The following ALK variants were observed in gnomAD, a reference collection of about 807,000 sequenced individuals.
The protein encoded by ALK is ALK receptor tyrosine kinase, also known as ALK tyrosine kinase receptor.
ALK carries 74 observed loss-of-function variants against 163.1 expected under a neutral mutation model. That is an observed-to-expected ratio of 0.45 (90% CI 0.38 to 0.55). The LOEUF is 0.55. ALK is among the 20% of genes least tolerant of loss of function. The probability of loss-of-function intolerance (pLI) is 0.00; values close to 1 mark genes in which losing one functional copy is unlikely to be tolerated. For synonymous variants in ALK, 960 were observed against 843.2 expected (o/e 1.14, Z -2.40); for missense variants, 2,063 against 2,105.3 (o/e 0.98, Z 0.39).
At chr2:29,476,390 T>C in intron 4 of ALK, among the ~76,000 whole-genome samples, 1 of 152,070 alleles carries the variant, frequency 6.6e-6, no homozygotes, top group Non-Finnish European at 1.5e-5. Flanking sequence ...TCTTTTCCAC[T>C]TGTAAAGATA....
In ALK at chr2:29,511,915, G is replaced by A. The variant is rs114523690; in HGVS notation, c.1154+20000C>T. 6.6e-3 allele frequency among the ~76,000 whole-genome samples: 1,003 copies of A among 152,088 alleles called. 7 individuals are homozygous for A. The highest frequency in any genetic ancestry group is 0.02 in the Middle Eastern group (6 of 294). On this transcript the variant is annotated intron_variant, in intron 4 of 28. Coordinates refer to ENST00000389048, the MANE Select transcript of ALK (RefSeq NM_004304.5). ...ATTTGTATATCTTCTTTAGTGTAAC[G>A]TCTATTAAAATATTTTGCCCACTTA... is the stretch of plus-strand genomic sequence containing the variant.
intron 1 of ALK, among the ~76,000 whole-genome samples, chr2:29,809,183 C>G (rs1259766583): frequency 2.0e-5 from 3 of 152,228 alleles, no homozygotes; most frequent in Admixed American, 1.3e-4. Context: ...TCTGGAAACA[C>G]AAGCTTACCA....
intron 4 of ALK, among the ~76,000 whole-genome samples, chr2:29,494,866 G>GTGTGTGTGTC (rs1164248123): frequency 6.6e-6 from 1 of 151,572 alleles, no homozygotes; most frequent in African/African-American, 2.4e-5. Context: ...GTGTGTGTGT[G>GTGTGTGTGTC]TGTGTGTGTG....
chr2:29,266,772 T>A (rs1044608870), intron 11 of ALK, among the ~76,000 whole-genome samples: 2 of 152,208 alleles, frequency 1.3e-5, no homozygotes, highest in Non-Finnish European at 2.9e-5. Context: ...GCTTCGTGAC[T>A]ATTTAAGCAT....
At chr2:29,705,573 G>A (rs556412065) in intron 2 of ALK, among the ~76,000 whole-genome samples, 116 of 151,976 alleles carry the variant, frequency 7.6e-4, no homozygotes, top group African/African-American at 2.7e-3. Context: ...GAGTGTCTGG[G>A]GAGGCATTGC....
chr2:29,784,561 T>G (rs1663950164), intron 1 of ALK, among the ~76,000 whole-genome samples: 1 of 152,086 alleles, frequency 6.6e-6, no homozygotes. Context: ...CCAGGTGTGG[T>G]GGCAGGCACC....
Position 29,811,597 on chromosome 2 carries a change from C to T in ALK, c.668-93900G>A, listed in dbSNP as rs374383104. On this transcript the variant is annotated intron_variant, in intron 1 of 28. Transcript: ENST00000389048. ...TCATTGCTTCACACAGGAAATATTC[C>T]CGTGCTCCTAACACAAACTGATTTC... Among the ~76,000 whole-genome samples, 107 of 152,230 alleles carry T rather than the reference C, an allele frequency of 7.0e-4. 1 individual carries two copies. The highest frequency in any genetic ancestry group is 5.6e-3 in the South Asian group (27 of 4,824).
chr2:29,884,919 G>A (rs955222532), intron 1 of ALK, among the ~76,000 whole-genome samples: 3 of 152,120 alleles, frequency 2.0e-5, no homozygotes, highest in African/African-American at 4.8e-5. Context: ...TATGAGTAAC[G>A]AACAGAAGTG....
In ALK at chr2:29,225,574, C is replaced by G. The variant is rs1409418856; in HGVS notation, c.3068-9G>C. ...CTCCGGGGTGGGTGACACTGGAAGA[C>G]AGGTCCCACTGGGGTATTGACAACC... On this transcript the variant is annotated splice_polypyrimidine_tract_variant and intron_variant, in intron 18 of 28. Transcript: ENST00000389048. 2 of 1,605,832 alleles carry G rather than the reference C, an allele frequency of 1.2e-6. No homozygotes were observed. Among genetic ancestry groups the G allele is most frequent in the Non-Finnish European group, 1.7e-6 (2 of 1,176,876 alleles).
At chr2:29,299,835 C>T (rs189124551) in intron 8 of ALK, among the ~76,000 whole-genome samples, 1 of 152,352 alleles carries the variant, frequency 6.6e-6, no homozygotes, top group African/African-American at 2.4e-5. Flanking sequence ...CCATTTCACT[C>T]TCCTGCTAAG....
chr2:29,253,429 A>G (rs1464049999), intron 11 of ALK, among the ~76,000 whole-genome samples: 1 of 152,148 alleles, frequency 6.6e-6, no homozygotes, highest in African/African-American at 2.4e-5. Flanking sequence ...CTGGATTGAC[A>G]TATTAAAAGA....
chr2:29,592,023 G>C (rs140286167), intron 3 of ALK, among the ~76,000 whole-genome samples: 2 of 152,078 alleles, frequency 1.3e-5, no homozygotes, highest in Admixed American at 6.5e-5. Context: ...CACATTGAAG[G>C]CTGGGGGTAT....
intron 5 of ALK, among the ~76,000 whole-genome samples, chr2:29,381,453 A>G (rs1668893918): frequency 6.6e-6 from 1 of 152,224 alleles, no homozygotes; most frequent in Non-Finnish European, 1.5e-5. Flanking sequence ...ATTGTCTCCA[A>G]TGCGGGGAGA....
At chr2:29,912,203 A>G (rs987108408) in intron 1 of ALK, among the ~76,000 whole-genome samples, 1 of 152,208 alleles carries the variant, frequency 6.6e-6, no homozygotes, top group Non-Finnish European at 1.5e-5. Context: ...ATAATAATTG[A>G]AAAATCCCAT....
At chr2:29,902,260 G>A (rs1667434683) in intron 1 of ALK, among the ~76,000 whole-genome samples, 1 of 152,064 alleles carries the variant, frequency 6.6e-6, no homozygotes, top group Non-Finnish European at 1.5e-5. Flanking sequence ...TCTATCAAAT[G>A]ACCCATTATT....
chr2:29,705,255 A>C (rs1678867234), intron 2 of ALK, among the ~76,000 whole-genome samples: 2 of 48,664 alleles, frequency 4.1e-5, no homozygotes, highest in Admixed American at 2.0e-4. Context: ...ATATATATAT[A>C]TATATATATA....
At chr2:29,279,230 A>T (rs1289007565) in intron 9 of ALK, among the ~76,000 whole-genome samples, 1 of 152,184 alleles carries the variant, frequency 6.6e-6, no homozygotes, top group East Asian at 1.9e-4. Context: ...AAAGAGTTTG[A>T]TTGACACTGT....
chr2:29,340,937 T>C (rs1344758681), intron 5 of ALK, among the ~76,000 whole-genome samples: 1 of 152,224 alleles, frequency 6.6e-6, no homozygotes, highest in Non-Finnish European at 1.5e-5. Flanking sequence ...ATTAGTGTTG[T>C]TGGTAGTCTG....
At chr2:29,318,162 G>GAAC in intron 8 of ALK, 142 bp downstream of exon 8, 1 of 719,214 alleles carries the variant, frequency 1.4e-6, no homozygotes, top group Non-Finnish European at 2.6e-6. Flanking sequence ...GCTCTGCCTC[G>GAAC]AAGATGGCAG....
Sources: allele counts gnomAD v4.1 joint callset (sites outside exome capture counted in the v4.1 genomes callset), GRCh38; gene constraint gnomAD v4.1.1; transcripts MANE v1.5; gene names NCBI Gene and HGNC (gene_info 2026-07-23, HGNC 2026-07-21).